The following EPHA3 variants were observed in gnomAD, a reference collection of about 807,000 sequenced individuals.
EPHA3 encodes the protein ephrin type-A receptor 3.
Under a neutral mutation model 107.1 loss-of-function variants are expected in EPHA3, and 42 were observed. That is an observed-to-expected ratio of 0.39 (90% CI 0.31 to 0.51). EPHA3 has a LOEUF of 0.51. EPHA3 is among the 20% of genes least tolerant of loss of function. The pLI is 0.78. For synonymous variants in EPHA3, 461 were observed against 424.8 expected (o/e 1.09, Z -1.05); for missense variants, 1,183 against 1,211.2 (o/e 0.98, Z 0.35).
In EPHA3 at chr3:89,481,497, T is replaced by G. The variant is rs1200365501; in HGVS notation, c.*1995T>G. On this transcript the variant is annotated 3_prime_UTR_variant, in exon 17 of 17. Transcript: ENST00000336596. ...AGATCTGAATGTGGTTTCAATCTAA[T>G]TTTTTCCCAGACTACTATTTTCTTT... 2 of 232,196 alleles carry G rather than the reference T, an allele frequency of 8.6e-6. No homozygotes were observed. Among genetic ancestry groups the G allele is most frequent in the African/African-American group, 2.2e-5 (1 of 45,312 alleles). 14.4% of individuals were successfully genotyped at this position (232,196 alleles called of 1,614,324 possible).
intron 3 of EPHA3, among the ~76,000 whole-genome samples, chr3:89,225,251 A>G (rs1320933485): frequency 6.6e-6 from 1 of 152,188 alleles, no homozygotes. Flanking sequence ...AAATGCCTTT[A>G]TAATCCAGTG....
chr3:89,441,956 C>G (rs1709794656), intron 13 of EPHA3, among the ~76,000 whole-genome samples: 1 of 152,100 alleles, frequency 6.6e-6, no homozygotes, highest in South Asian at 2.1e-4. Flanking sequence ...ATTCGTGTCT[C>G]TCTATGCCAA....
intron 16 of EPHA3, among the ~76,000 whole-genome samples, chr3:89,474,509 A>G (rs748365486): frequency 9.2e-5 from 14 of 152,244 alleles, no homozygotes; most frequent in Admixed American, 5.9e-4. Flanking sequence ...GCACAGAAGC[A>G]TAGCGAAAAG....
At chr3:89,241,020 A>T (rs1157598971) in intron 3 of EPHA3, among the ~76,000 whole-genome samples, 4 of 151,964 alleles carry the variant, frequency 2.6e-5, no homozygotes, top group African/African-American at 9.7e-5. Flanking sequence ...CTTTTAAAAA[A>T]ATTTTTTTTT....
rs771757243 is a variant in EPHA3 at position 89,107,883 on chromosome 3, C to A, written c.88+47C>A. ...ACGGAGCTCTGCCCCGCGGGGCTCA[C>A]GCTCTTCAAAGCACGTTCTCACCGA... On this transcript the variant is annotated intron_variant, in intron 1 of 16. Transcript: ENST00000336596. 7.0e-6 allele frequency: 11 copies of A among 1,562,902 alleles called. No homozygotes were observed. The African/African-American group carries it at 8.1e-5, about 12-fold the overall frequency.
At position 89,386,505 on chromosome 3, in the gene EPHA3, T is replaced by C. The variant is rs540914016; in HGVS notation, c.1307-9332T>C. On this transcript the variant is annotated intron_variant, in intron 5 of 16. Transcript: ENST00000336596. Reference sequence around the variant, plus strand: ...GCACTGAGGTTTGGGAACCTCCACCTATATTTCAGAGGATATTTGGAAATG... The same window carrying C: ...GCACTGAGGTTTGGGAACCTCCACCCATATTTCAGAGGATATTTGGAAATG... 1.4e-4 allele frequency among the ~76,000 whole-genome samples: 21 copies of C among 152,332 alleles called. 1 individual carries two copies. The highest frequency in any genetic ancestry group is 4.3e-4 in the African/African-American group (18 of 41,586).
intron 3 of EPHA3, among the ~76,000 whole-genome samples, chr3:89,253,373 C>G (rs1705207382): frequency 6.6e-6 from 1 of 152,050 alleles, no homozygotes. Context: ...TTCATACTCA[C>G]ACCATGCCCT....
rs547834356 is a variant in EPHA3, at chr3:89,460,615, C to A, written c.2690+10245C>A. Reference sequence around the variant, plus strand: ...ATCTCTAAGAGTACATAATAGAATTCTTTTTGAGAATAACTGCTGTTTTGA... The same window carrying A: ...ATCTCTAAGAGTACATAATAGAATTATTTTTGAGAATAACTGCTGTTTTGA... On this transcript the variant is annotated intron_variant, in intron 15 of 16. Coordinates refer to ENST00000336596, the MANE Select transcript of EPHA3 (RefSeq NM_005233.6). Among the ~76,000 whole-genome samples, 7 of 148,986 alleles carry A rather than the reference C, an allele frequency of 4.7e-5. No homozygotes were observed. The East Asian group carries it at 1.2e-3, about 25-fold the overall frequency.
chr3:89,338,766 C>T (rs1286296711), intron 3 of EPHA3, among the ~76,000 whole-genome samples: 6 of 152,164 alleles, frequency 3.9e-5, no homozygotes, highest in Admixed American at 3.9e-4. Context: ...CCAAGATGGT[C>T]TCGATCTCCT....
chr3:89,289,317 G>C (rs1433276809), intron 3 of EPHA3, among the ~76,000 whole-genome samples: 1 of 152,124 alleles, frequency 6.6e-6, no homozygotes, highest in East Asian at 1.9e-4. Context: ...AGTACAGGAT[G>C]CTCATTAAGT....
At chr3:89,309,209 T>A (rs1363839998) in intron 3 of EPHA3, among the ~76,000 whole-genome samples, 1 of 152,106 alleles carries the variant, frequency 6.6e-6, no homozygotes, top group Non-Finnish European at 1.5e-5. Flanking sequence ...AGAGAATGAA[T>A]GGGTATAAGA....
chr3:89,435,769 A>G (rs896745407), intron 13 of EPHA3, among the ~76,000 whole-genome samples: 33 of 150,358 alleles, frequency 2.2e-4, no homozygotes, highest in Admixed American at 1.9e-3. Context: ...CCTGGCCAAC[A>G]TGGTGAAACC....
At chr3:89,468,525 C>T (rs991983193) in intron 15 of EPHA3, among the ~76,000 whole-genome samples, 1 of 152,082 alleles carries the variant, frequency 6.6e-6, no homozygotes, top group Admixed American at 6.6e-5. Flanking sequence ...CCCACAAACC[C>T]ATAAATAAAA....
chr3:89,175,798 A>T lies in EPHA3; in HGVS notation c.154-34062A>T, dbSNP rs377112578. 3.9e-4 allele frequency among the ~76,000 whole-genome samples: 59 copies of T among 152,180 alleles called. No homozygotes were observed. In the South Asian group the frequency reaches 0.012, roughly 31 times the overall value. ...CCTGCGATTCTATTCTGGTTCTCTT[A>T]TATTCTGGTACCCTTAGCATTGAAA... On this transcript the variant is annotated intron_variant, in intron 2 of 16. Coordinates refer to ENST00000336596, the MANE Select transcript of EPHA3 (RefSeq NM_005233.6).
chr3:89,339,710 TTTAATGCAA>T, intron 3 of EPHA3, among the ~76,000 whole-genome samples: 2 of 152,220 alleles, frequency 1.3e-5, no homozygotes, highest in African/African-American at 4.8e-5. Context: ...CAGGTTTTAC[TTTAATGCAA>T]ATAATCTTCT....
At chr3:89,370,406 G>A (rs1576341147) in intron 5 of EPHA3, among the ~76,000 whole-genome samples, 1 of 150,626 alleles carries the variant, frequency 6.6e-6, no homozygotes, top group African/African-American at 2.4e-5. Flanking sequence ...CTATCGCAAG[G>A]ACAAAAAACC....
At chr3:89,208,607 AAAGAAG>A in intron 2 of EPHA3, among the ~76,000 whole-genome samples, 2 of 93,320 alleles carry the variant, frequency 2.1e-5, no homozygotes, top group African/African-American at 2.8e-5. Flanking sequence ...GGAAGGAAGG[AAAGAAG>A]GAAGGAAGGA....
chr3:89,376,034 T>A (rs2107477645), intron 5 of EPHA3, among the ~76,000 whole-genome samples: 1 of 152,062 alleles, frequency 6.6e-6, no homozygotes, highest in African/African-American at 2.4e-5. Flanking sequence ...GAAAATCTTC[T>A]TGAATGAAAT....
chr3:89,378,134 G>T (rs1307834804), intron 5 of EPHA3, among the ~76,000 whole-genome samples: 3 of 152,032 alleles, frequency 2.0e-5, no homozygotes, highest in Non-Finnish European at 4.4e-5. Flanking sequence ...CTAGGGGAGG[G>T]ATAGTATTAG....
Sources: allele counts gnomAD v4.1 joint callset (sites outside exome capture counted in the v4.1 genomes callset), GRCh38; gene constraint gnomAD v4.1.1; transcripts MANE v1.5; gene names NCBI Gene and HGNC (gene_info 2026-07-23, HGNC 2026-07-21).